Variants in INPP4B observed in about 807,000 individuals in gnomAD.
INPP4B encodes the protein inositol polyphosphate 4-phosphatase type II.
Under a neutral mutation model 122.5 loss-of-function variants are expected in INPP4B, and 55 were observed. The observed-to-expected ratio is 0.45, with a 90% CI of 0.36 to 0.56. The LOEUF (loss-of-function observed/expected upper bound fraction) is 0.56. INPP4B is among the 20% of genes least tolerant of loss of function. The probability of loss-of-function intolerance (pLI) is 0.00; values close to 1 mark genes in which losing one functional copy is unlikely to be tolerated. For synonymous variants in INPP4B, 403 were observed against 388.7 expected (o/e 1.04, Z -0.43); for missense variants, 1,000 against 1,097.7 (o/e 0.91, Z 1.26).
chr4:142,466,230 T>C (rs1817740373), intron 2 of INPP4B, among the ~76,000 whole-genome samples: 1 of 152,164 alleles, frequency 6.6e-6, no homozygotes. Flanking sequence ...GTGACGAAAA[T>C]GCTGACACAG....
intron 12 of INPP4B, among the ~76,000 whole-genome samples, chr4:142,232,204 T>C (rs887049292): frequency 1.3e-5 from 2 of 152,232 alleles, no homozygotes; most frequent in Non-Finnish European, 2.9e-5. Context: ...ATATTTTACA[T>C]ATATATTTAT....
chr4:142,432,052 T>A (rs1156977300), intron 3 of INPP4B, among the ~76,000 whole-genome samples: 2 of 152,032 alleles, frequency 1.3e-5, no homozygotes, highest in East Asian at 3.9e-4. Context: ...TGATGAAAAT[T>A]AGCATGGGGA....
chr4:142,249,297 C>G (rs974213826), intron 11 of INPP4B, among the ~76,000 whole-genome samples: 1 of 151,992 alleles, frequency 6.6e-6, no homozygotes, highest in Non-Finnish European at 1.5e-5. Context: ...GGTCTACTAG[C>G]TTCTTAGATT....
intron 7 of INPP4B, among the ~76,000 whole-genome samples, chr4:142,316,624 C>G (rs1448994733): frequency 3.3e-5 from 5 of 151,706 alleles, no homozygotes. Flanking sequence ...ATAACATTTT[C>G]CAAAGATATA....
At chr4:142,783,980 G>T (rs1273606286) in intron 1 of INPP4B, among the ~76,000 whole-genome samples, 1 of 152,152 alleles carries the variant, frequency 6.6e-6, no homozygotes, top group Non-Finnish European at 1.5e-5. Flanking sequence ...AAAAATGCCA[G>T]AGACTTTTGG....
chr4:142,811,008 T>A (rs1379601253), intron 1 of INPP4B, among the ~76,000 whole-genome samples: 4 of 152,230 alleles, frequency 2.6e-5, no homozygotes, highest in Admixed American at 2.6e-4. Flanking sequence ...GTTATGTAAA[T>A]GCACTGCTGA....
chr4:142,473,837 C>T (rs1212311784), intron 2 of INPP4B, among the ~76,000 whole-genome samples: 1 of 152,092 alleles, frequency 6.6e-6, no homozygotes, highest in Admixed American at 6.5e-5. Flanking sequence ...GACTCACTTC[C>T]CTGTGAACTC....
At chr4:142,836,243 A>G (rs1782750477) in intron 1 of INPP4B, among the ~76,000 whole-genome samples, 1 of 152,164 alleles carries the variant, frequency 6.6e-6, no homozygotes, top group South Asian at 2.1e-4. Flanking sequence ...TTTGGAAGAA[A>G]TATCAGTGAG....
intron 1 of INPP4B, among the ~76,000 whole-genome samples, chr4:142,755,536 A>T (rs1036235800): frequency 6.6e-6 from 1 of 152,062 alleles, no homozygotes; most frequent in African/African-American, 2.4e-5. Context: ...AAGAAAAAAA[A>T]TAAAGAAGCC....
chr4:142,273,543 T>C (rs891985898), intron 9 of INPP4B, among the ~76,000 whole-genome samples: 1 of 151,922 alleles, frequency 6.6e-6, no homozygotes, highest in Non-Finnish European at 1.5e-5. Context: ...CTAAAATAGA[T>C]GAATAATCAA....
intron 25 of INPP4B, among the ~76,000 whole-genome samples, chr4:142,070,410 C>G (rs890040852): frequency 6.6e-6 from 1 of 152,094 alleles, no homozygotes; most frequent in Non-Finnish European, 1.5e-5. Flanking sequence ...GGAAGCATTC[C>G]CTTTGAAAAC....
chr4:142,499,203 G>A (rs1823033431), intron 2 of INPP4B, among the ~76,000 whole-genome samples: 1 of 152,086 alleles, frequency 6.6e-6, no homozygotes, highest in African/African-American at 2.4e-5. Flanking sequence ...TTTCTATCTA[G>A]GGAGCTGAAA....
intron 21 of INPP4B, among the ~76,000 whole-genome samples, chr4:142,118,015 C>T (rs1794597081): frequency 6.6e-6 from 1 of 152,058 alleles, no homozygotes; most frequent in African/African-American, 2.4e-5. Flanking sequence ...AAACAGAAAG[C>T]CAAATCATGA....
At chr4:142,786,549 A>G (rs560323469) in intron 1 of INPP4B, among the ~76,000 whole-genome samples, 25 of 152,252 alleles carry the variant, frequency 1.6e-4, no homozygotes, top group African/African-American at 5.8e-4. Flanking sequence ...GAGTGAATAC[A>G]GTGATTTCCT....
Position 142,086,276 on chromosome 4 carries a change from G to T in INPP4B, c.2375-20C>A. 7.7e-7 allele frequency: 1 copy of T among 1,295,780 alleles called. No homozygotes were observed. The highest frequency in any genetic ancestry group is 1.1e-6 in the Non-Finnish European group (1 of 893,376). 80.3% of individuals were successfully genotyped at this position (1,295,780 alleles called of 1,614,324 possible). A position where few individuals can be genotyped will look rare whatever the true frequency, so the allele number is the denominator to read the frequency against. On this transcript the variant is annotated intron_variant, in intron 23 of 25. Coordinates refer to ENST00000262992, the MANE Select transcript of INPP4B (RefSeq NM_001101669.3). ...AAATATCTGAAGGGGAAAAAACAAAGGAGAAAAATAAAATGAGACAGTGTT... is the reference window on the plus strand; with the variant it reads ...AAATATCTGAAGGGGAAAAAACAAATGAGAAAAATAAAATGAGACAGTGTT...
At chr4:142,599,418 T>G (rs1268769112) in intron 2 of INPP4B, among the ~76,000 whole-genome samples, 3 of 152,170 alleles carry the variant, frequency 2.0e-5, no homozygotes, top group African/African-American at 7.2e-5. Context: ...ATACTACTGA[T>G]GCTATTTACA....
At chr4:142,787,160 A>C (rs1775874528) in intron 1 of INPP4B, among the ~76,000 whole-genome samples, 1 of 152,140 alleles carries the variant, frequency 6.6e-6, no homozygotes, top group Non-Finnish European at 1.5e-5. Flanking sequence ...CTGTTAAAAT[A>C]AATGTCAGGT....
At chr4:142,152,199 G>A (rs531055408) in intron 17 of INPP4B, among the ~76,000 whole-genome samples, 239 of 148,330 alleles carry the variant, frequency 1.6e-3, no homozygotes, top group Middle Eastern at 3.6e-3. Flanking sequence ...TCAGCCTCCC[G>A]GAGTAGCTGG....
chr4:142,775,153 C>A (rs946436649), intron 1 of INPP4B, among the ~76,000 whole-genome samples: 5 of 152,054 alleles, frequency 3.3e-5, no homozygotes, highest in African/African-American at 9.7e-5. Flanking sequence ...ATCAAGGGAA[C>A]ATACCATGAA....
Sources: allele counts gnomAD v4.1 joint callset (sites outside exome capture counted in the v4.1 genomes callset), GRCh38; gene constraint gnomAD v4.1.1; transcripts MANE v1.5; gene names NCBI Gene and HGNC (gene_info 2026-07-23, HGNC 2026-07-21).